Variants in GAS2 observed in about 807,000 individuals in gnomAD.
The protein encoded by GAS2 is growth arrest-specific protein 2.
In GAS2, 20 loss-of-function variants were observed where a neutral mutation model predicts 37.5. That is an observed-to-expected ratio of 0.53 (90% confidence interval 0.37 to 0.77). The LOEUF (loss-of-function observed/expected upper bound fraction) is 0.77, where lower values mean the gene tolerates loss of function less well. Among genes scored for constraint, GAS2 ranks in the 30% least tolerant of loss-of-function variants. The pLI is 0.00. For synonymous variants in GAS2, 144 were observed against 132.2 expected (o/e 1.09, Z -0.61); for missense variants, 336 against 373.4 (o/e 0.90, Z 0.82).
intron 2 of GAS2, among the ~76,000 whole-genome samples, chr11:22,681,411 CTAAAT>C (rs1849679008): frequency 6.6e-6 from 1 of 152,140 alleles, no homozygotes; most frequent in Non-Finnish European, 1.5e-5. Context: ...TCATTCTTGA[CTAAAT>C]TAATCATGCG....
intron 7 of GAS2, among the ~76,000 whole-genome samples, chr11:22,793,531 T>C (rs1325055669): frequency 1.3e-5 from 2 of 152,068 alleles, no homozygotes; most frequent in Non-Finnish European, 2.9e-5. Context: ...TTGGAGCCTA[T>C]TAGATTTATA....
intron 7 of GAS2, among the ~76,000 whole-genome samples, chr11:22,771,109 T>C (rs1390935829): frequency 6.6e-6 from 1 of 151,870 alleles, no homozygotes; most frequent in African/African-American, 2.4e-5. Context: ...TTTCATGAGG[T>C]ACTAAAACAC....
chr11:22,676,835 A>G (rs1361535505), intron 2 of GAS2, among the ~76,000 whole-genome samples: 1 of 152,156 alleles, frequency 6.6e-6, no homozygotes, highest in Non-Finnish European at 1.5e-5. Context: ...ACCACTTATT[A>G]TGTGATACTG....
intron 7 of GAS2, among the ~76,000 whole-genome samples, chr11:22,782,418 T>G (rs2134499123): frequency 6.6e-6 from 1 of 152,264 alleles, no homozygotes; most frequent in Admixed American, 6.5e-5. Context: ...CTTTTTCAAC[T>G]TTTATTTTAG....
chr11:22,739,973 A>G (rs905647197), intron 5 of GAS2, among the ~76,000 whole-genome samples: 3 of 151,834 alleles, frequency 2.0e-5, no homozygotes, highest in African/African-American at 7.3e-5. Context: ...TATTGTTATT[A>G]TATATTATAT....
chr11:22,746,602 A>T (rs1853415283), intron 5 of GAS2, among the ~76,000 whole-genome samples: 1 of 152,206 alleles, frequency 6.6e-6, no homozygotes, highest in African/African-American at 2.4e-5. Flanking sequence ...ACACAGAAAC[A>T]GAAAACCCAA....
At chr11:22,650,659 T>C (rs1848763115) in intron 1 of GAS2, among the ~76,000 whole-genome samples, 1 of 151,404 alleles carries the variant, frequency 6.6e-6, no homozygotes, top group Non-Finnish European at 1.5e-5. Flanking sequence ...ATTGATCCCT[T>C]TACCATTATG....
intron 7 of GAS2, among the ~76,000 whole-genome samples, chr11:22,793,205 CAG>C (rs1724940461): frequency 6.6e-6 from 1 of 152,046 alleles, no homozygotes; most frequent in Non-Finnish European, 1.5e-5. Context: ...ACCCAGGAGG[CAG>C]AGATTGCAGT....
At chr11:22,705,625 T>C (rs1215424100) in intron 3 of GAS2, among the ~76,000 whole-genome samples, 1 of 152,218 alleles carries the variant, frequency 6.6e-6, no homozygotes, top group African/African-American at 2.4e-5. Flanking sequence ...TTCTCAACTT[T>C]CGTTTAACCA....
intron 1 of GAS2, among the ~76,000 whole-genome samples, chr11:22,645,959 T>C (rs1848686322): frequency 6.6e-6 from 1 of 151,432 alleles, no homozygotes; most frequent in Admixed American, 6.6e-5. Context: ...TTCTCCTGCC[T>C]CAGCCTCCCG....
intron 4 of GAS2, among the ~76,000 whole-genome samples, chr11:22,728,441 A>G (rs2127496): frequency 0.012 from 1,839 of 152,036 alleles, 38 homozygotes; most frequent in African/African-American, 0.042. Context: ...TATAACAAAT[A>G]AAATTATGTC....
Position 22,812,103 on chromosome 11 carries a change from C to G in GAS2, c.*87C>G, listed in dbSNP as rs1429213811. 2 of 967,242 alleles carry G rather than the reference C, an allele frequency of 2.1e-6. No homozygotes were observed. The highest frequency in any genetic ancestry group is 3.2e-6 in the Non-Finnish European group (2 of 625,906). The allele number at this position is 967,242 out of a possible 1,614,324, so 59.9% of individuals were successfully genotyped here. On this transcript the variant is annotated 3_prime_UTR_variant, in exon 8 of 8. Coordinates refer to ENST00000454584, the MANE Select transcript of GAS2 (RefSeq NM_001143830.3). ...CAGTTTAGTTCATATGTTCTGAAAA[C>G]TGTTTTGGAGAAAGATAGACAGAAA...
At chr11:22,771,357 T>C (rs1461732236) in intron 7 of GAS2, among the ~76,000 whole-genome samples, 1 of 152,118 alleles carries the variant, frequency 6.6e-6, no homozygotes, top group Non-Finnish European at 1.5e-5. Context: ...AATACATTTA[T>C]AGAATAAAAA....
chr11:22,695,414 T>C (rs1345565590), intron 3 of GAS2, among the ~76,000 whole-genome samples: 1 of 152,166 alleles, frequency 6.6e-6, no homozygotes, highest in Admixed American at 6.6e-5. Context: ...TGATATACTT[T>C]TCTTAACCTG....
chr11:22,723,115 T>G (rs1461153726), intron 3 of GAS2, among the ~76,000 whole-genome samples: 2 of 151,854 alleles, frequency 1.3e-5, no homozygotes, highest in Non-Finnish European at 2.9e-5. Flanking sequence ...AATTGGAAGC[T>G]TCTATTCACA....
intron 1 of GAS2, among the ~76,000 whole-genome samples, chr11:22,653,039 T>TTCTTTCTCTC (rs1554965908): frequency 7.2e-6 from 1 of 139,858 alleles, no homozygotes; most frequent in Admixed American, 7.3e-5. Context: ...TTCTTTCTCT[T>TTCTTTCTCTC]TCTTTCTTTC....
rs181328275 is a variant in GAS2 at position 22,742,331 on chromosome 11, T to A, written c.473+4563T>A. Among the ~76,000 whole-genome samples, 86 of 152,190 alleles carry A rather than the reference T, an allele frequency of 5.7e-4. 1 individual carries two copies. The highest frequency in any genetic ancestry group is 8.8e-4 in the Non-Finnish European group (60 of 67,936). On this transcript the variant is annotated intron_variant, in intron 5 of 7. Transcript: ENST00000454584. ...GGGAGTGGAAAATACTATAAATGTG[T>A]GAAAACCTCATTGACAAAATAAAAA...
intron 7 of GAS2, among the ~76,000 whole-genome samples, chr11:22,764,733 C>T (rs553140572): frequency 6.1e-4 from 93 of 152,172 alleles, no homozygotes; most frequent in African/African-American, 2.0e-3. Flanking sequence ...TTTCTTCTTC[C>T]ACTGACATTA....
chr11:22,665,142 C>T (rs1848963445), upstream of GAS2, among the ~76,000 whole-genome samples: 2 of 152,078 alleles, frequency 1.3e-5, no homozygotes, highest in Non-Finnish European at 1.5e-5. Flanking sequence ...AAAAACATTG[C>T]CTTACTCTTA....
Sources: gnomAD v4.1 joint callset for allele counts (sites outside exome capture counted in the v4.1 genomes callset) on GRCh38, gnomAD v4.1.1 for gene constraint, MANE v1.5 for transcripts, NCBI Gene and HGNC (gene_info 2026-07-23, HGNC 2026-07-21) for gene names.